Variants in GRM3 observed in about 807,000 individuals in gnomAD.
GRM3 encodes glutamate metabotropic receptor 3.
A neutral mutation model predicts 70.5 loss-of-function variants in GRM3; 26 were observed. The ratio of observed to expected loss-of-function variants is 0.37; its 90% confidence interval spans 0.27 to 0.51. The LOEUF (loss-of-function observed/expected upper bound fraction) is 0.51. Among genes scored for constraint, GRM3 ranks in the 20% least tolerant of loss-of-function variants. GRM3 has a pLI of 0.93. For synonymous variants in GRM3, 443 were observed against 434.9 expected (o/e 1.02, Z -0.23); for missense variants, 859 against 1,123.8 (o/e 0.76, Z 3.37).
chr7:86,689,200 A>G (rs1584166951), intron 1 of GRM3, among the ~76,000 whole-genome samples: 1 of 151,736 alleles, frequency 6.6e-6, no homozygotes, highest in East Asian at 1.9e-4. Context: ...TAAAATCTAA[A>G]GATTTCAAGG....
At position 86,685,645 on chromosome 7, in the gene GRM3, G is replaced by A. The variant is rs977773747; in HGVS notation, c.-141+40773G>A. ...ATGGGGGCCGGGCACGGTGGCTCAC[G>A]CCTGTAATCCCAGCACTTTGGGAGG... On this transcript the variant is annotated intron_variant, in intron 1 of 5. Transcript: ENST00000361669. Among the ~76,000 whole-genome samples the A allele has an allele frequency of 7.2e-5, 11 of 152,184 alleles. No homozygotes were observed. In the South Asian group the frequency reaches 2.3e-3, roughly 32 times the overall value.
At chr7:86,794,382 T>C (rs949347508) in intron 3 of GRM3, among the ~76,000 whole-genome samples, 1 of 152,196 alleles carries the variant, frequency 6.6e-6, no homozygotes, top group Non-Finnish European at 1.5e-5. Flanking sequence ...AGAGGAATGT[T>C]CTCTAAAGAA....
At chr7:86,822,875 T>C (rs1398174730) in intron 3 of GRM3, among the ~76,000 whole-genome samples, 3 of 152,210 alleles carry the variant, frequency 2.0e-5, no homozygotes, top group African/African-American at 4.8e-5. Flanking sequence ...CCCTATTCAG[T>C]AACGAAGTTA....
intron 1 of GRM3, among the ~76,000 whole-genome samples, chr7:86,740,912 C>T (rs569496042): frequency 1.8e-4 from 28 of 152,204 alleles, no homozygotes; most frequent in African/African-American, 5.8e-4. Flanking sequence ...GGAGCACGTC[C>T]GCTGAAGATG....
intron 1 of GRM3, among the ~76,000 whole-genome samples, chr7:86,744,553 T>C (rs1276416333): frequency 6.6e-6 from 1 of 151,550 alleles, no homozygotes; most frequent in Non-Finnish European, 1.5e-5. Flanking sequence ...AGGCCACATG[T>C]CATGGGTCGC....
chr7:86,681,574 G>A (rs1794441982), intron 1 of GRM3, among the ~76,000 whole-genome samples: 1 of 152,060 alleles, frequency 6.6e-6, no homozygotes, highest in African/African-American at 2.4e-5. Flanking sequence ...GGTGGCTGGG[G>A]GGTGAGGCGG....
At chr7:86,711,755 G>A (rs1036909711) in intron 1 of GRM3, among the ~76,000 whole-genome samples, 1 of 152,002 alleles carries the variant, frequency 6.6e-6, no homozygotes, top group Non-Finnish European at 1.5e-5. Context: ...TTGGTTTGCT[G>A]GATTCATCTT....
At chr7:86,746,348 T>C (rs1220337982) in intron 1 of GRM3, among the ~76,000 whole-genome samples, 6 of 133,278 alleles carry the variant, frequency 4.5e-5, no homozygotes, top group African/African-American at 1.7e-4. Context: ...GTATTATATA[T>C]ATATATATAT....
At chr7:86,673,183 T>C (rs966550911) in intron 1 of GRM3, among the ~76,000 whole-genome samples, 1 of 152,088 alleles carries the variant, frequency 6.6e-6, no homozygotes, top group Non-Finnish European at 1.5e-5. Context: ...ACCTATCCAT[T>C]CCCTAATTGT....
intron 3 of GRM3, among the ~76,000 whole-genome samples, chr7:86,799,672 G>A (rs6465085): frequency 0.1 from 15,867 of 151,788 alleles, 1,224 homozygotes; most frequent in African/African-American, 0.22. Context: ...GACTACAGGC[G>A]CCCACCACCA....
chr7:86,848,380 G>C (rs1244426948), intron 4 of GRM3, among the ~76,000 whole-genome samples: 1 of 152,152 alleles, frequency 6.6e-6, no homozygotes, highest in African/African-American at 2.4e-5. Context: ...TAAGGAAGCA[G>C]TTGGACAGTT....
chr7:86,788,380 T>C (rs1306724384), intron 3 of GRM3, among the ~76,000 whole-genome samples: 1 of 152,164 alleles, frequency 6.6e-6, no homozygotes, highest in East Asian at 1.9e-4. Context: ...ATCACCACAC[T>C]GCATGTTGCA....
chr7:86,807,567 A>G (rs1797821999), intron 3 of GRM3, among the ~76,000 whole-genome samples: 1 of 151,740 alleles, frequency 6.6e-6, no homozygotes, highest in African/African-American at 2.4e-5. Context: ...GGTGTATAGG[A>G]ATGCTTGTGA....
intron 3 of GRM3, among the ~76,000 whole-genome samples, chr7:86,791,704 C>G (rs1797423671): frequency 6.6e-6 from 1 of 152,158 alleles, no homozygotes. Flanking sequence ...TAATGAAATG[C>G]TATTGAAGGA....
chr7:86,706,574 A>G (rs1352788847), intron 1 of GRM3, among the ~76,000 whole-genome samples: 1 of 152,032 alleles, frequency 6.6e-6, no homozygotes, highest in African/African-American at 2.4e-5. Flanking sequence ...ACTACAAATC[A>G]AGGAGATGAC....
Position 86,686,679 on chromosome 7 carries a change from AC to A in GRM3, c.-141+41808del, listed in dbSNP as rs1391504251. Among the ~76,000 whole-genome samples the A allele has an allele frequency of 6.5e-4, 99 of 151,262 alleles. 1 individual carries two copies. Among genetic ancestry groups the A allele is most frequent in the South Asian group, 6.4e-3 (31 of 4,828 alleles). On this transcript the variant is annotated intron_variant, in intron 1 of 5. Transcript: ENST00000361669. Reference sequence around the variant, plus strand: ...GCATTACTGCTATAGCTGACAAAAAACAAAACAAAACAAAAACTTGATATTT... The same window carrying A: ...GCATTACTGCTATAGCTGACAAAAAAAAAACAAAACAAAAACTTGATATTT...
At chr7:86,864,116 C>T (rs910090847) in intron 5 of GRM3, among the ~76,000 whole-genome samples, 166 bp from the exon 6 acceptor site, 3 of 148,956 alleles carry the variant, frequency 2.0e-5, no homozygotes, top group Non-Finnish European at 2.9e-5. Flanking sequence ...TTTTGGTGCA[C>T]CCATCACCTG....
At chr7:86,682,872 AT>A (rs1160367592) in intron 1 of GRM3, among the ~76,000 whole-genome samples, 1 of 152,208 alleles carries the variant, frequency 6.6e-6, no homozygotes, top group Non-Finnish European at 1.5e-5. Context: ...ACAATTCAAT[AT>A]GGACAGGACA....
At chr7:86,768,242 G>T (rs1796654097) in intron 2 of GRM3, among the ~76,000 whole-genome samples, 1 of 152,140 alleles carries the variant, frequency 6.6e-6, no homozygotes, top group African/African-American at 2.4e-5. Context: ...TCAATAAATG[G>T]TAACCTTATG....
Sources: allele counts gnomAD v4.1 joint callset (sites outside exome capture counted in the v4.1 genomes callset), GRCh38; gene constraint gnomAD v4.1.1; transcripts MANE v1.5; gene names NCBI Gene and HGNC (gene_info 2026-07-23, HGNC 2026-07-21).